Variants in QRSL1 observed in about 807,000 individuals in gnomAD.
QRSL1 encodes glutaminyl-tRNA amidotransferase subunit QRSL1.
In QRSL1, 54 loss-of-function variants were observed where a neutral mutation model predicts 61.6. The ratio of observed to expected loss-of-function variants is 0.88; its 90% CI spans 0.70 to 1.10. The LOEUF is 1.10. Ranked by LOEUF, QRSL1 falls within the 50% of genes least tolerant of loss-of-function variation. QRSL1 has a pLI of 0.00. For synonymous variants in QRSL1, 228 were observed against 225.7 expected (o/e 1.01, Z -0.09); for missense variants, 505 against 622.6 (o/e 0.81, Z 2.01).
At chr6:106,640,966 G>C in intron 3 of QRSL1, 45 bp downstream of exon 3, 1 of 1,413,046 alleles carries the variant, frequency 7.1e-7, no homozygotes, top group South Asian at 1.2e-5. Flanking sequence ...ATAAAAATAG[G>C]TATTTTTCGC....
intron 1 of QRSL1, among the ~76,000 whole-genome samples, chr6:106,637,627 A>G (rs1447776831): frequency 6.6e-6 from 1 of 152,160 alleles, no homozygotes; most frequent in African/African-American, 2.4e-5. Flanking sequence ...ACTCTGTGGT[A>G]TGTGGTAGGT....
In QRSL1 at chr6:106,655,654, A is replaced by G. The variant is rs968696321; in HGVS notation, c.1082A>G (p.Tyr361Cys). 45 of 1,613,264 alleles carry G rather than the reference A, an allele frequency of 2.8e-5. No individual in the cohort carries two copies. Among genetic ancestry groups the G allele is most frequent in the Non-Finnish European group, 3.7e-5 (44 of 1,179,690 alleles). Residue 361 changes from tyrosine (Y) to cysteine (C), a missense_variant, in exon 9 of 11, where the codon TAT becomes TGT. By Grantham distance (194) the Tyr-to-Cys change is radical. Transcript: ENST00000369046. ...ATTGATGTGTCCACTGAAGCCATGT[A>G]TGCTGCAACCAGACGAGAAGGGTTT... ...CDIDVSTEAM[Y>C]AATRREGFND...
rs542821503 is a variant in QRSL1 at position 106,648,282 on chromosome 6, G to A, written c.381-743G>A. ...CTGCACTCCAGACTGCCAGTAGAGC[G>A]AGACTCGTCTCAAAAAAGAAAAAAA... On this transcript the variant is annotated intron_variant, in intron 4 of 10. Transcript: ENST00000369046. Among the ~76,000 whole-genome samples, 4 of 151,928 alleles carry A rather than the reference G, an allele frequency of 2.6e-5. No homozygotes were observed. The East Asian group carries it at 5.9e-4, about 22-fold the overall frequency.
At position 106,666,199 on chromosome 6, in the gene QRSL1, C is replaced by A. The variant is rs1439563395; in HGVS notation, c.*197C>A. The A allele has an allele frequency of 1.8e-6, 1 of 545,630 alleles. No homozygotes were observed. Among genetic ancestry groups the A allele is most frequent in the African/African-American group, 1.9e-5 (1 of 52,452 alleles). 33.8% of individuals were successfully genotyped at this position (545,630 alleles called of 1,614,324 possible). A position where few individuals can be genotyped will look rare whatever the true frequency, so the allele number is the denominator to read the frequency against. On this transcript the variant is annotated 3_prime_UTR_variant, in exon 11 of 11. Coordinates refer to ENST00000369046, the MANE Select transcript of QRSL1 (RefSeq NM_018292.5). ...TAGTGGCGGGCATCTGTAGTCCCAG[C>A]TACTCAGGAGGCTGAGGCAGGAGAA...
At chr6:106,659,905 G>T (rs2114716842) in intron 9 of QRSL1, among the ~76,000 whole-genome samples, 1 of 152,234 alleles carries the variant, frequency 6.6e-6, no homozygotes, top group Admixed American at 6.5e-5. Context: ...ACTGCTCTTT[G>T]GGGATTGTTT....
chr6:106,652,378 G>A lies in QRSL1; in HGVS notation c.727G>A (p.Val243Met), dbSNP rs1338393029. 2 of 1,614,150 alleles carry A rather than the reference G, an allele frequency of 1.2e-6. No individual in the cohort carries two copies. The highest frequency in any genetic ancestry group is 1.7e-6 in the Non-Finnish European group (2 of 1,180,022). ...LTRCVDDAAI[V>M]LGALAGPDPR... ...CAGATGTGTGGATGATGCAGCAATT[G>A]TGTTGGGTATTTATATAATTCTATA... Residue 243 changes from valine to methionine, a missense_variant, in exon 6 of 11, where the codon GTG becomes ATG. By Grantham distance (21) the Val-to-Met change is conservative (BLOSUM62 1). Transcript: ENST00000369046.
intron 1 of QRSL1, among the ~76,000 whole-genome samples, chr6:106,630,711 A>G (rs1208972541): frequency 2.6e-5 from 4 of 151,952 alleles, no homozygotes; most frequent in Non-Finnish European, 5.9e-5. Context: ...TTCTGGTAAG[A>G]AGTAGGCGCT....
At chr6:106,656,373 G>A (rs1456769658) in intron 9 of QRSL1, among the ~76,000 whole-genome samples, 1 of 152,192 alleles carries the variant, frequency 6.6e-6, no homozygotes, top group African/African-American at 2.4e-5. Context: ...CTTGAAAAAT[G>A]TATTGAATCA....
Position 106,665,764 on chromosome 6 carries a change from G to A in QRSL1, c.1367-18G>A. On this transcript the variant is annotated intron_variant, in intron 10 of 10. Transcript: ENST00000369046. The stretch of plus-strand genomic sequence containing the variant: ...GGGTGGAGAATTAATCACCTACTGG[G>A]TTTCCTTCTTTTCCCAGGATTGCCA... 1 of 1,608,958 alleles carries A rather than the reference G, an allele frequency of 6.2e-7. No individual in the cohort carries two copies. The highest frequency in any genetic ancestry group is 8.5e-7 in the Non-Finnish European group (1 of 1,175,404).
At chr6:106,637,731 G>A (rs727104) in intron 1 of QRSL1, among the ~76,000 whole-genome samples, 85,414 of 152,016 alleles carry the variant, frequency 0.56, 24,400 homozygotes, top group Non-Finnish European at 0.62. Flanking sequence ...TTCTTTTAAC[G>A]AAAACTTAAA....
Position 106,654,928 on chromosome 6 carries a change from A to G in QRSL1, c.1042+6A>G. ...ATTTGATGGGCTACAATATGGTAAG[A>G]TGGCTGGGTTATTTTATTTTTAAGG... On this transcript the variant is annotated splice_donor_region_variant and intron_variant, in intron 8 of 10. Coordinates refer to ENST00000369046, the MANE Select transcript of QRSL1 (RefSeq NM_018292.5). 1 of 1,555,584 alleles carries G rather than the reference A, an allele frequency of 6.4e-7. No homozygotes were observed. The highest frequency in any genetic ancestry group is 8.7e-7 in the Non-Finnish European group (1 of 1,152,726).
chr6:106,629,774 T>A (rs1315441695), intron 1 of QRSL1, 69 bp downstream of exon 1: 46 of 1,553,182 alleles, frequency 3.0e-5, no homozygotes, highest in Middle Eastern at 1.7e-4. Context: ...TGACAAAGAG[T>A]CCCTGGGCCT....
Position 106,640,855 on chromosome 6 carries a change from ATTGCAG to A in QRSL1, c.219_224del (p.Ala74_Val75del), listed in dbSNP as rs770065888. The A allele has an allele frequency of 6.2e-7, 1 of 1,613,790 alleles. No individual in the cohort carries two copies. The highest frequency in any genetic ancestry group is 8.5e-7 in the Non-Finnish European group (1 of 1,179,836). On this transcript the variant is annotated inframe_deletion, in exon 3 of 11. Transcript: ENST00000369046. ...ACTTGGGGATTTAGATGGAATTCCT[ATTGCAG>A]TAAAAGACAATTTCAGCACTTCTGG...
At chr6:106,653,474 AC>A (rs1209920898) in intron 7 of QRSL1, 1 of 151,982 alleles carries the variant, frequency 6.6e-6, no homozygotes, top group African/African-American at 2.4e-5. Flanking sequence ...GACAAAAGTA[AC>A]CCCCAGGTAA....
chr6:106,636,377 G>A (rs552655419), intron 1 of QRSL1, among the ~76,000 whole-genome samples: 1 of 148,018 alleles, frequency 6.8e-6, no homozygotes, highest in East Asian at 2.0e-4. Flanking sequence ...CTGGAATACA[G>A]TGGCACAATT....
At chr6:106,664,920 A>G (rs1216035622) in intron 10 of QRSL1, among the ~76,000 whole-genome samples, 1 of 152,132 alleles carries the variant, frequency 6.6e-6, no homozygotes, top group East Asian at 1.9e-4. Context: ...CATCCTTGAA[A>G]TATTAGCTAG....
intron 1 of QRSL1, among the ~76,000 whole-genome samples, chr6:106,635,394 G>A (rs1483404571): frequency 6.6e-6 from 1 of 152,164 alleles, no homozygotes; most frequent in Non-Finnish European, 1.5e-5. Context: ...ATGAGGGCTG[G>A]TGCTGACCAG....
chr6:106,664,427 A>G (rs1285300467), intron 10 of QRSL1, among the ~76,000 whole-genome samples: 1 of 152,208 alleles, frequency 6.6e-6, no homozygotes, highest in African/African-American at 2.4e-5. Flanking sequence ...GTTTAGAGAA[A>G]TTTCTTTAGC....
intron 1 of QRSL1, among the ~76,000 whole-genome samples, chr6:106,634,096 T>A (rs910920182): frequency 6.6e-6 from 1 of 152,108 alleles, no homozygotes; most frequent in African/African-American, 2.4e-5. Context: ...GAGTGAATAA[T>A]ACTTAATAGA....
Sources: allele counts gnomAD v4.1 joint callset (sites outside exome capture counted in the v4.1 genomes callset), GRCh38; gene constraint gnomAD v4.1.1; transcripts MANE v1.5; gene names NCBI Gene and HGNC (gene_info 2026-07-23, HGNC 2026-07-21).